Variants in SYT16 observed in about 807,000 individuals in gnomAD.
SYT16 encodes the protein synaptotagmin-16.
A neutral mutation model predicts 61.4 loss-of-function variants in SYT16; 42 were observed. That is an observed-to-expected ratio of 0.68 (90% CI 0.53 to 0.89). The LOEUF is 0.89. Ranked by LOEUF, SYT16 falls within the 40% of genes least tolerant of loss-of-function variation. SYT16 has a pLI of 0.00. For missense variants in SYT16, 804 were observed against 807.3 expected (o/e 1.00, Z 0.05); for synonymous variants, 314 against 302.3 (o/e 1.04, Z -0.40).
At chr14:62,068,280 G>A (rs2056146582) in intron 3 of SYT16, among the ~76,000 whole-genome samples, 1 of 152,104 alleles carries the variant, frequency 6.6e-6, no homozygotes. Flanking sequence ...TAACATGAAT[G>A]GAACTGGAGG....
At chr14:62,065,434 G>C (rs1050055328) in intron 3 of SYT16, among the ~76,000 whole-genome samples, 1 of 152,082 alleles carries the variant, frequency 6.6e-6, no homozygotes, top group Non-Finnish European at 1.5e-5. Flanking sequence ...TATGGGAAAT[G>C]TTATAACTAC....
chr14:62,088,428 G>A (rs2056959939), intron 7 of SYT16, among the ~76,000 whole-genome samples: 1 of 152,176 alleles, frequency 6.6e-6, no homozygotes, highest in Admixed American at 6.5e-5. Context: ...GTCAGGAATG[G>A]TATTGGTGCT....
At chr14:61,954,740 C>T (rs768528476) in intron 1 of SYT16, among the ~76,000 whole-genome samples, 12 of 151,962 alleles carry the variant, frequency 7.9e-5, no homozygotes, top group Non-Finnish European at 1.6e-4. Flanking sequence ...GACTCAGATG[C>T]CACCTTGGCT....
intron 1 of SYT16, among the ~76,000 whole-genome samples, chr14:61,882,387 A>G (rs957593726): frequency 2.0e-5 from 3 of 152,226 alleles, no homozygotes; most frequent in African/African-American, 4.8e-5. Flanking sequence ...GGGCAGCAGG[A>G]CAGAATGAAT....
At chr14:61,852,811 A>C (rs987390011) in intron 1 of SYT16, among the ~76,000 whole-genome samples, 11 of 152,354 alleles carry the variant, frequency 7.2e-5, no homozygotes, top group South Asian at 4.1e-4. Flanking sequence ...AAAAAGCAAC[A>C]TATCTTTTTC....
At chr14:62,013,613 A>G (rs2053551305) in intron 3 of SYT16, among the ~76,000 whole-genome samples, 1 of 152,070 alleles carries the variant, frequency 6.6e-6, no homozygotes, top group South Asian at 2.1e-4. Flanking sequence ...TTTAGTAGCA[A>G]AATCAGTCTT....
chr14:61,831,282 T>G (rs2045928218), intron 1 of SYT16, among the ~76,000 whole-genome samples: 1 of 152,212 alleles, frequency 6.6e-6, no homozygotes, highest in South Asian at 2.1e-4. Context: ...TTTTTTGTAC[T>G]TATTCCATCT....
chr14:62,065,452 T>C (rs1272868123), intron 3 of SYT16, among the ~76,000 whole-genome samples: 5 of 152,164 alleles, frequency 3.3e-5, no homozygotes, highest in Admixed American at 3.3e-4. Context: ...TACTGTATGA[T>C]TGTATATCAG....
chr14:61,902,612 T>C (rs1188501838), intron 1 of SYT16, among the ~76,000 whole-genome samples: 2 of 152,234 alleles, frequency 1.3e-5, no homozygotes, highest in Non-Finnish European at 2.9e-5. Context: ...CCCAGGGTCA[T>C]GCTTCCTCTG....
At chr14:62,076,596 TA>T (rs2056505305) in intron 5 of SYT16, among the ~76,000 whole-genome samples, 1 of 152,154 alleles carries the variant, frequency 6.6e-6, no homozygotes, top group Non-Finnish European at 1.5e-5. Flanking sequence ...GTAGCTCACA[TA>T]TGTGGTTTGT....
Position 61,954,196 on chromosome 14 carries a change from T to G in SYT16, c.-324-15936T>G, listed in dbSNP as rs150551266. Among the ~76,000 whole-genome samples the G allele has an allele frequency of 3.6e-3, 555 of 152,320 alleles. 1 individual carries two copies. The highest frequency in any genetic ancestry group is 0.013 in the African/African-American group (531 of 41,572). On this transcript the variant is annotated intron_variant, in intron 1 of 7. Transcript: ENST00000683842. The stretch of plus-strand genomic sequence containing the variant: ...CTTTACTTTCTAATTGTTCATATTG[T>G]TTTTGCTCAGTTATCTGGTTCCCTC...
chr14:61,891,238 A>ACGCG (rs754911743), intron 1 of SYT16, among the ~76,000 whole-genome samples: 4 of 103,376 alleles, frequency 3.9e-5, no homozygotes, highest in Non-Finnish European at 1.8e-5. Flanking sequence ...GCATACACAC[A>ACGCG]CGCGCACACA....
chr14:62,006,344 G>A (rs2053225596), intron 3 of SYT16, among the ~76,000 whole-genome samples: 1 of 152,078 alleles, frequency 6.6e-6, no homozygotes, highest in Non-Finnish European at 1.5e-5. Flanking sequence ...ATACGCTAGG[G>A]AAAAGCAGCA....
rs539305409 is a variant in SYT16 at position 62,028,301 on chromosome 14, G to A, written c.523+31759G>A. ...GATGACAATGATTATAATCACTATC[G>A]CTTCCTGAAAGCCTGCTTACTGTAC... On this transcript the variant is annotated intron_variant, in intron 3 of 7. Transcript: ENST00000683842. Among the ~76,000 whole-genome samples, 8 of 152,250 alleles carry A rather than the reference G, an allele frequency of 5.3e-5. No homozygotes were observed. In the East Asian group the frequency reaches 7.7e-4, roughly 15 times the overall value.
At chr14:61,896,973 A>G (rs1362290815) in intron 1 of SYT16, among the ~76,000 whole-genome samples, 1 of 152,256 alleles carries the variant, frequency 6.6e-6, no homozygotes, top group Non-Finnish European at 1.5e-5. Context: ...ACAGAGGTCA[A>G]CAAACTATGG....
intron 6 of SYT16, among the ~76,000 whole-genome samples, chr14:62,082,811 GAATGGGGAA>G (rs953460801): frequency 6.6e-6 from 1 of 152,226 alleles, no homozygotes; most frequent in Non-Finnish European, 1.5e-5. Flanking sequence ...GCACGGAGTT[GAATGGGGAA>G]AATGAGCTAG....
chr14:62,065,020 T>A (rs1298076425), intron 3 of SYT16, among the ~76,000 whole-genome samples: 1 of 152,194 alleles, frequency 6.6e-6, no homozygotes, highest in African/African-American at 2.4e-5. Context: ...CGTGTGGATG[T>A]GTTTATAATC....
intron 1 of SYT16, among the ~76,000 whole-genome samples, chr14:61,959,528 C>A (rs1411995278): frequency 1.3e-5 from 2 of 152,050 alleles, no homozygotes; most frequent in Non-Finnish European, 1.5e-5. Context: ...TTTATGTCTT[C>A]CCCCAACGCT....
In SYT16 at chr14:62,017,118, G is replaced by A. The variant is rs114714595; in HGVS notation, c.523+20576G>A. Among the ~76,000 whole-genome samples, 716 of 152,132 alleles carry A rather than the reference G, an allele frequency of 4.7e-3. 4 individuals carry two copies. The highest frequency in any genetic ancestry group is 0.016 in the African/African-American group (684 of 41,506). ...GGGTTGCTCTGTTTTATTGAATTGC[G>A]GGGATTTAAAAAAAGAAAATTTGTG... On this transcript the variant is annotated intron_variant, in intron 3 of 7. Transcript: ENST00000683842.
Sources: allele counts gnomAD v4.1 joint callset (sites outside exome capture counted in the v4.1 genomes callset), GRCh38; gene constraint gnomAD v4.1.1; transcripts MANE v1.5; gene names NCBI Gene and HGNC (gene_info 2026-07-23, HGNC 2026-07-21).